Variants in MSL3 observed in about 807,000 individuals in gnomAD.
MSL3 encodes the protein MSL complex subunit 3, also known as MSL3-like 1.
A neutral mutation model predicts 37.2 loss-of-function variants in MSL3; 5 were observed. That is an observed-to-expected ratio of 0.13 (90% confidence interval 0.07 to 0.28). MSL3 has a LOEUF of 0.28. MSL3 is among the 10% of genes least tolerant of loss of function. MSL3 has a pLI of 1.00. For synonymous variants in MSL3, 149 were observed against 147.6 expected (o/e 1.01, Z -0.07); for missense variants, 315 against 408.5 (o/e 0.77, Z 1.97).
intron 9 of MSL3, chrX:11,766,934 A>G: frequency 1.3e-6 from 1 of 754,530 alleles, no homozygotes; most frequent in Non-Finnish European, 1.6e-6. Flanking sequence ...TATCTTGTGT[A>G]TGACCTGTGC....
At position 11,758,246 on chromosome X, in the gene MSL3, C is replaced by G; in HGVS notation, c.-18C>G. The G allele has an allele frequency of 4.9e-6, 5 of 1,016,372 alleles. No individual in the cohort carries two copies. The highest frequency in any genetic ancestry group is 6.4e-6 in the Non-Finnish European group (5 of 781,192). 83.8% of individuals were successfully genotyped at this position (1,016,372 alleles called of 1,213,427 possible). A position where few individuals can be genotyped will look rare whatever the true frequency, so the allele number is the denominator to read the frequency against. The stretch of plus-strand genomic sequence containing the variant: ...GCTCCGCCCGCCCCGGAGCCTCGCC[C>G]TCCGCCACGATGAGCAAATGAGCGC... On this transcript the variant is annotated 5_prime_UTR_variant, in exon 1 of 13. Coordinates refer to ENST00000312196, the MANE Select transcript of MSL3 (RefSeq NM_078629.4).
In MSL3 at chrX:11,760,417, C is replaced by T; in HGVS notation, c.200C>T (p.Ala67Val). ...NGWNRSWDRW[A>V]AEDHVLRDTD... ...TGTTCAATTAGCTGGGATAGATGGG[C>T]AGCAGAAGATCATGTGCTTCGTGAT... The change falls in exon 3 of 13, where the codon GCA becomes GTA. Residue 67 changes from alanine to valine, a missense_variant. Physicochemically the swap from Ala to Val is moderately conservative, Grantham distance 64. Transcript: ENST00000312196. The T allele has an allele frequency of 1.7e-6, 2 of 1,198,092 alleles. No individual in the cohort carries two copies. Among genetic ancestry groups the T allele is most frequent in the Non-Finnish European group, 2.2e-6 (2 of 889,259 alleles).
At chrX:11,758,227 C>G (rs1164592444), upstream of MSL3, 2 of 799,783 alleles carry the variant, frequency 2.5e-6, no homozygotes, top group African/African-American at 4.6e-5. Context: ...GCGCGCTCCG[C>G]CCGCCCCGGA....
At chrX:11,761,129 G>A (rs1000673661) in intron 4 of MSL3, 192 bp downstream of exon 4, 10 of 407,937 alleles carry the variant, frequency 2.5e-5, no homozygotes, top group South Asian at 4.8e-5. Flanking sequence ...GCAGAGTCAT[G>A]CTTGTGACTA....
chrX:11,770,804 A>T (rs2053226073), intron 10 of MSL3, among the ~76,000 whole-genome samples: 2 of 112,609 alleles, frequency 1.8e-5, no homozygotes, highest in Non-Finnish European at 1.9e-5. Flanking sequence ...AGTGAGTGAG[A>T]TAGAGCCAGA....
chrX:11,765,181 C>G (rs773458876), intron 8 of MSL3, among the ~76,000 whole-genome samples: 1 of 112,217 alleles, frequency 8.9e-6, no homozygotes, highest in East Asian at 2.8e-4. Flanking sequence ...CGGATAACAC[C>G]TCTTTCCTCA....
chrX:11,761,190 A>G (rs1023920694), intron 4 of MSL3: 15 of 358,418 alleles, frequency 4.2e-5, no homozygotes, highest in Non-Finnish European at 7.2e-5. Context: ...GTGTGTTCTC[A>G]TGGGATCTGT....
At chrX:11,774,241 G>A (rs371295366) in intron 12 of MSL3, among the ~76,000 whole-genome samples, 2 of 112,538 alleles carry the variant, frequency 1.8e-5, no homozygotes, top group Non-Finnish European at 3.8e-5. Context: ...TTCAATTTTT[G>A]TATGACTTTG....
At chrX:11,764,932 A>C (rs2053165886) in intron 8 of MSL3, among the ~76,000 whole-genome samples, 1 of 112,514 alleles carries the variant, frequency 8.9e-6, no homozygotes, top group African/African-American at 3.2e-5. Flanking sequence ...CCCAGGGCCT[A>C]CTTCAAACCT....
chrX:11,773,571 G>C (rs1158702776), intron 12 of MSL3, among the ~76,000 whole-genome samples: 1 of 111,471 alleles, frequency 9.0e-6, no homozygotes, highest in East Asian at 2.8e-4. Context: ...CATTTTCTTG[G>C]AAACAAGTTT....
intron 9 of MSL3, chrX:11,766,269 A>C: frequency 1.3e-6 from 1 of 757,887 alleles, no homozygotes; most frequent in Non-Finnish European, 1.6e-6. Context: ...TGAGCAAAAT[A>C]AATTAGACAA....
chrX:11,772,196 G>A lies in MSL3; in HGVS notation c.1322G>A (p.Gly441Asp). ...CTTGTGCCTGACAATTACCCCCCAG[G>A]TGACCAGCCGCCTCCACCCTCTTAC... Reference protein sequence around the residue: ...WKLVPDNYPPGDQPPPPSYIY... With the variant: ...WKLVPDNYPPDDQPPPPSYIY... Residue 441 changes from glycine (G) to aspartate (D), a missense_variant, in exon 11 of 13, where the codon GGT becomes GAT. By Grantham distance (94) the Gly-to-Asp change is moderately conservative. Transcript: ENST00000312196. 1 of 1,210,407 alleles carries A rather than the reference G, an allele frequency of 8.3e-7. No homozygotes were observed. Among genetic ancestry groups the A allele is most frequent in the Non-Finnish European group, 1.1e-6 (1 of 894,746 alleles).
At chrX:11,765,892 G>A in intron 9 of MSL3, 163 bp downstream of exon 9, 1 of 1,114,201 alleles carries the variant, frequency 9.0e-7, no homozygotes, top group Non-Finnish European at 1.2e-6. Flanking sequence ...GCTGTAGAAA[G>A]TTGAAACACC....
intron 10 of MSL3, among the ~76,000 whole-genome samples, chrX:11,771,647 T>C (rs1471573606): frequency 2.7e-5 from 3 of 112,751 alleles, no homozygotes; most frequent in Admixed American, 9.3e-5. Flanking sequence ...TGGCACAACC[T>C]TGGTTCACTG....
chrX:11,761,658 G>C, intron 5 of MSL3, 76 bp downstream of exon 5: 1 of 545,439 alleles, frequency 1.8e-6, no homozygotes, highest in Non-Finnish European at 2.9e-6. Flanking sequence ...AAATACTCCA[G>C]TTGTGAATTG....
chrX:11,761,574 A>G lies in MSL3; in HGVS notation c.457A>G (p.Thr153Ala). ...ISEESDIEEK[T>A]EVKEEPELQT... ...TGAAGAAAGTGATATTGAAGAAAAGACTGAAGTGGTATAAAGTTTTTATTG... is the reference window on the plus strand; with the variant it reads ...TGAAGAAAGTGATATTGAAGAAAAGGCTGAAGTGGTATAAAGTTTTTATTG... The change falls in exon 5 of 13, where the codon ACT (threonine) becomes GCT (alanine). Residue 153 changes from threonine (T) to alanine (A), a missense_variant. Coordinates refer to ENST00000312196, the MANE Select transcript of MSL3 (RefSeq NM_078629.4). 1 of 1,159,862 alleles carries G rather than the reference A, an allele frequency of 8.6e-7. No individual in the cohort carries two copies. The highest frequency in any genetic ancestry group is 1.2e-6 in the Non-Finnish European group (1 of 855,521).
At chrX:11,759,932 T>C in intron 2 of MSL3, 57 bp downstream of exon 2, 1 of 1,154,039 alleles carries the variant, frequency 8.7e-7, no homozygotes, top group Non-Finnish European at 1.2e-6. Flanking sequence ...CATAGAAACA[T>C]TGCAGACTTA....
intron 10 of MSL3, among the ~76,000 whole-genome samples, chrX:11,770,854 T>C (rs953794548): frequency 8.9e-6 from 1 of 112,570 alleles, no homozygotes; most frequent in Non-Finnish European, 1.9e-5. Context: ...TTCATGCCTC[T>C]GAGATTGCAA....
At chrX:11,767,408 C>G in intron 9 of MSL3, 1 of 290,312 alleles carries the variant, frequency 3.4e-6, no homozygotes, top group Non-Finnish European at 4.6e-6. Context: ...AGGAGGATCA[C>G]TTGAGGCCAG....
Sources: allele counts gnomAD v4.1 joint callset (sites outside exome capture counted in the v4.1 genomes callset), GRCh38; gene constraint gnomAD v4.1.1; transcripts MANE v1.5; gene names NCBI Gene and HGNC (gene_info 2026-07-23, HGNC 2026-07-21).